The following SCML4 variants were observed in gnomAD, a reference collection of about 807,000 sequenced individuals.
The protein encoded by SCML4 is Scm polycomb group protein like 4.
SCML4 carries 34 observed loss-of-function variants against 41.1 expected under a neutral mutation model. The observed-to-expected ratio is 0.83, with a 90% confidence interval of 0.63 to 1.10. The LOEUF (loss-of-function observed/expected upper bound fraction) is 1.10, where lower values mean the gene tolerates loss of function less well. Among genes scored for constraint, SCML4 ranks in the 50% least tolerant of loss-of-function variants. The pLI is 0.00. For synonymous variants in SCML4, 214 were observed against 220.9 expected (o/e 0.97, Z 0.28); for missense variants, 522 against 534.1 (o/e 0.98, Z 0.22).
chr6:107,820,671 A>G (rs897270515), intron 1 of SCML4, among the ~76,000 whole-genome samples: 1 of 152,182 alleles, frequency 6.6e-6, no homozygotes, highest in Non-Finnish European at 1.5e-5. Context: ...GAGTGCAACA[A>G]TGAAAAACGC....
rs774130828 is a variant in SCML4 at position 107,720,922 on chromosome 6, C to T, written c.754G>A (p.Ala252Thr). The T allele has an allele frequency of 1.5e-5, 25 of 1,613,920 alleles. No individual in the cohort carries two copies. Among genetic ancestry groups the T allele is most frequent in the African/African-American group, 4.0e-5 (3 of 74,874 alleles). Residue 252 changes from alanine to threonine, a missense_variant, in exon 6 of 8, where the codon GCC becomes ACC. Physicochemically the swap from Ala to Thr is moderately conservative, Grantham distance 58. Coordinates refer to ENST00000369020, the MANE Select transcript of SCML4 (RefSeq NM_198081.5). ...GMNRYSVDTS[A>T]STFNHRGSLH... The stretch of plus-strand genomic sequence containing the variant: ...GAGCCCCTGTGGTTAAAGGTGGAGG[C>T]GGAGGTGTCCACGCTGTAGCGGTTC...
chr6:107,791,762 T>C (rs529503830), intron 1 of SCML4, among the ~76,000 whole-genome samples: 1 of 152,214 alleles, frequency 6.6e-6, no homozygotes, highest in African/African-American at 2.4e-5. Flanking sequence ...GGGACCAGCC[T>C]GGGCAACATG....
At chr6:107,749,924 C>T (rs1265751960) in intron 2 of SCML4, 111 bp from the exon 3 acceptor site, 2 of 1,079,852 alleles carry the variant, frequency 1.9e-6, no homozygotes, top group Admixed American at 2.2e-5. Context: ...TGCTTCCACA[C>T]CTTTCCATCC....
chr6:107,810,678 A>G (rs1254283423), intron 1 of SCML4, among the ~76,000 whole-genome samples: 3 of 152,234 alleles, frequency 2.0e-5, no homozygotes, highest in South Asian at 2.1e-4. Context: ...TTGATCGCTT[A>G]TAGGGAAATA....
intron 1 of SCML4, among the ~76,000 whole-genome samples, chr6:107,810,159 G>A (rs995133978): frequency 2.6e-5 from 4 of 152,126 alleles, no homozygotes; most frequent in African/African-American, 9.7e-5. Flanking sequence ...AAGAAGAGGA[G>A]TCTGTGGCTA....
chr6:107,812,874 G>GAC (rs1554225229), intron 1 of SCML4, among the ~76,000 whole-genome samples: 1 of 62,070 alleles, frequency 1.6e-5, no homozygotes, highest in African/African-American at 4.7e-5. Flanking sequence ...TTTACACACA[G>GAC]ACACATACAC....
At chr6:107,762,203 T>A (rs1397646947) in intron 2 of SCML4, among the ~76,000 whole-genome samples, 1 of 152,204 alleles carries the variant, frequency 6.6e-6, no homozygotes, top group Non-Finnish European at 1.5e-5. Flanking sequence ...GTAAGCATGC[T>A]GTAATTTTTA....
At chr6:107,732,787 G>A (rs544295787) in intron 5 of SCML4, among the ~76,000 whole-genome samples, 1 of 152,224 alleles carries the variant, frequency 6.6e-6, no homozygotes, top group African/African-American at 2.4e-5. Flanking sequence ...CTGTGGTCAC[G>A]CTGTTTCCTC....
At chr6:107,771,625 C>A (rs1340376310) in intron 2 of SCML4, among the ~76,000 whole-genome samples, 1 of 152,186 alleles carries the variant, frequency 6.6e-6, no homozygotes, top group Non-Finnish European at 1.5e-5. Context: ...TCGACATCAG[C>A]ACCTTTTAGA....
intron 5 of SCML4, among the ~76,000 whole-genome samples, chr6:107,737,140 C>G (rs1043724258): frequency 6.6e-6 from 1 of 152,200 alleles, no homozygotes; most frequent in African/African-American, 2.4e-5. Flanking sequence ...TCAGGCTCTG[C>G]TGGGGACCCC....
Position 107,819,741 on chromosome 6 carries a change from C to T in SCML4, c.-60+4385G>A, listed in dbSNP as rs528933826. Among the ~76,000 whole-genome samples, 6 of 151,318 alleles carry T rather than the reference C, an allele frequency of 4.0e-5. No homozygotes were observed. In the South Asian group the frequency reaches 1.3e-3, roughly 32 times the overall value. On this transcript the variant is annotated intron_variant, in intron 1 of 7. Transcript: ENST00000369020. ...AGGTAGCATGTGTCTAAGTTAGTGG[C>T]AGAGTAAGAGGAGTTTATATGGTTT...
At chr6:107,739,960 G>A in intron 5 of SCML4, 1 of 363,830 alleles carries the variant, frequency 2.7e-6, no homozygotes, top group Non-Finnish European at 5.4e-6. Flanking sequence ...AAAATTCACA[G>A]CACTCAGCTC....
At chr6:107,795,773 T>A (rs948280391) in intron 1 of SCML4, among the ~76,000 whole-genome samples, 3 of 152,188 alleles carry the variant, frequency 2.0e-5, no homozygotes, top group African/African-American at 7.2e-5. Flanking sequence ...ATGATCCACC[T>A]GCCTTGGCCT....
the SCML4 span, among the ~76,000 whole-genome samples, chr6:107,839,860 G>A: frequency 1.3e-5 from 2 of 152,024 alleles, no homozygotes; most frequent in Non-Finnish European, 2.9e-5. Flanking sequence ...CCAAAGTGTT[G>A]GGATTACAGG....
chr6:107,815,775 G>A (rs564932391), intron 1 of SCML4, among the ~76,000 whole-genome samples: 12 of 152,288 alleles, frequency 7.9e-5, no homozygotes, highest in African/African-American at 2.9e-4. Context: ...ATGGGTGTGA[G>A]TGAGTCATAT....
chr6:107,768,097 CA>C lies in SCML4; in HGVS notation c.156+4074del, dbSNP rs766357180. 3.4e-3 allele frequency among the ~76,000 whole-genome samples: 154 copies of C among 45,642 alleles called. 1 individual carries two copies. Among genetic ancestry groups the C allele is most frequent in the South Asian group, 5.4e-3 (9 of 1,658 alleles). 29.9% of individuals were successfully genotyped at this position (45,642 alleles called of 152,430 possible). ...GGAACTCGGTGAGACTTCATCTGTACAAAAAAAAAAAAAAAAAAGTAAAAAA... is the reference window on the plus strand; with the variant it reads ...GGAACTCGGTGAGACTTCATCTGTACAAAAAAAAAAAAAAAAAGTAAAAAA... On this transcript the variant is annotated intron_variant, in intron 2 of 7. Transcript: ENST00000369020.
intron 7 of SCML4, 111 bp from the exon 8 acceptor site, chr6:107,705,436 T>C: frequency 1.1e-6 from 1 of 949,988 alleles, no homozygotes; most frequent in Non-Finnish European, 1.6e-6. Context: ...TATGGATTGA[T>C]TTAGGCAGCA....
intron 1 of SCML4, among the ~76,000 whole-genome samples, chr6:107,775,563 G>A (rs1219684766): frequency 6.6e-6 from 1 of 152,208 alleles, no homozygotes; most frequent in East Asian, 1.9e-4. Context: ...TTCATAAGAA[G>A]TAGAAAGATT....
intron 5 of SCML4, among the ~76,000 whole-genome samples, 172 bp downstream of exon 5, chr6:107,744,777 C>T (rs368339985): frequency 6.6e-6 from 1 of 152,330 alleles, no homozygotes; most frequent in African/African-American, 2.4e-5. Context: ...TGTCCAGGCA[C>T]CCCTTTGTTC....
Sources: gnomAD v4.1 joint callset for allele counts (sites outside exome capture counted in the v4.1 genomes callset) on GRCh38, gnomAD v4.1.1 for gene constraint, MANE v1.5 for transcripts, NCBI Gene and HGNC (gene_info 2026-07-23, HGNC 2026-07-21) for gene names.